Variants in PTPRN2 observed in about 807,000 individuals in gnomAD.
The protein encoded by PTPRN2 is receptor-type tyrosine-protein phosphatase N2.
A neutral mutation model predicts 118.8 loss-of-function variants in PTPRN2; 74 were observed. The observed-to-expected ratio is 0.62, with a 90% CI of 0.52 to 0.76. PTPRN2 has a LOEUF of 0.76. PTPRN2 is among the 30% of genes least tolerant of loss of function. The pLI is 0.00. For missense variants in PTPRN2, 1,481 were observed against 1,394.4 expected (o/e 1.06, Z -0.99); for synonymous variants, 641 against 608.0 (o/e 1.05, Z -0.80).
chr7:158,337,330 G>A (rs1257395341), intron 2 of PTPRN2, among the ~76,000 whole-genome samples: 4 of 118,462 alleles, frequency 3.4e-5, no homozygotes, highest in African/African-American at 1.3e-4. Context: ...CACCCACACT[G>A]TCACCCTAAG....
Position 157,881,214 on chromosome 7 carries a change from G to A in PTPRN2, c.1788+17459C>T, listed in dbSNP as rs1433871871. Among the ~76,000 whole-genome samples the A allele has an allele frequency of 6.8e-6, 1 of 147,468 alleles. No individual in the cohort carries two copies. The highest frequency in any genetic ancestry group is 1.5e-5 in the Non-Finnish European group (1 of 66,666). ...CATGAGGGTATGTGGAGATGGGGGT[G>A]TTTACAGTAGTCATTATGGTAAAAT... On this transcript the variant is annotated intron_variant, in intron 12 of 22. Coordinates refer to ENST00000389418, the MANE Select transcript of PTPRN2 (RefSeq NM_002847.5). This position sits in a 1 kb window ranked among gnomAD's most constrained non-coding sequence, Gnocchi z 4.7.
At position 158,546,998 on chromosome 7, in the gene PTPRN2, C is replaced by T. The variant is rs1461797034; in HGVS notation, c.112+40560G>A. Among the ~76,000 whole-genome samples the T allele has an allele frequency of 3.9e-5, 6 of 152,150 alleles. 1 individual carries two copies. The highest frequency in any genetic ancestry group is 4.1e-4 in the South Asian group (2 of 4,834). On this transcript the variant is annotated intron_variant, in intron 1 of 22. Transcript: ENST00000389418. The surrounding 1 kb of genome is among the most constrained non-coding windows in gnomAD (Gnocchi z 5.0). ...GCAGAGCTCAGAGCTCACGGCAGAG[C>T]GGCACAGAAAGAAGCTCAGACCCAG...
At chr7:158,401,754 G>A (rs978819164) in intron 2 of PTPRN2, among the ~76,000 whole-genome samples, 3 of 152,232 alleles carry the variant, frequency 2.0e-5, no homozygotes, top group African/African-American at 7.2e-5. Context: ...GAAAACAAAA[G>A]GACGAATGGC....
intron 16 of PTPRN2, 47 bp from the exon 17 acceptor site, chr7:157,595,362 A>T: frequency 8.3e-7 from 1 of 1,197,630 alleles, no homozygotes; most frequent in Non-Finnish European, 1.1e-6. Flanking sequence ...GAGATTAGGA[A>T]GCCTGGAGGT....
intron 2 of PTPRN2, among the ~76,000 whole-genome samples, chr7:158,462,360 A>G (rs902780966): frequency 2.0e-5 from 3 of 152,094 alleles, no homozygotes; most frequent in Non-Finnish European, 4.4e-5. Flanking sequence ...GGCTTCTACT[A>G]TCTGGCATTT....
At chr7:158,071,215 G>GAGGTGCTCGTCGTA (rs1811459697) in intron 11 of PTPRN2, among the ~76,000 whole-genome samples, 1 of 59,116 alleles carries the variant, frequency 1.7e-5, no homozygotes, top group African/African-American at 5.6e-5. Context: ...GCTCGTGGTG[G>GAGGTGCTCGTCGTA]TGGAGGTGCC....
chr7:158,296,802 G>T (rs1379813974), intron 3 of PTPRN2, among the ~76,000 whole-genome samples: 3 of 152,234 alleles, frequency 2.0e-5, no homozygotes, highest in African/African-American at 7.2e-5. Flanking sequence ...TCTCTTCTGG[G>T]TGGCAGTTGG....
chr7:157,673,852 TCA>T (rs1053775705), intron 13 of PTPRN2, among the ~76,000 whole-genome samples: 24 of 151,922 alleles, frequency 1.6e-4, no homozygotes, highest in Admixed American at 1.5e-3. Context: ...TCCCCTAGGG[TCA>T]CAGTGTTGTC....
In PTPRN2 at chr7:158,192,414, G is replaced by T. The variant is rs1398480857; in HGVS notation, c.462C>A (p.His154Gln). The T allele has an allele frequency of 6.5e-7, 1 of 1,542,896 alleles. No individual in the cohort carries two copies. The highest frequency in any genetic ancestry group is 1.4e-5 in the African/African-American group (1 of 69,788). Residue 154 changes from histidine to glutamine, a missense_variant, in exon 5 of 23, where the codon CAC (histidine) becomes CAA (glutamine). Transcript: ENST00000389418. The stretch of plus-strand genomic sequence containing the variant: ...GGGACAGGGCCTCCAGGAAGGGCAG[G>T]TGGCGTCGGAGGGCGTTGGCCAGGG... ...GAALANALRRHLPFLEALSQA... is the reference protein window; with the variant it reads ...GAALANALRRQLPFLEALSQA...
rs1006386273 is a variant in PTPRN2 at position 157,768,899 on chromosome 7, G to A, written c.1789-85962C>T. The stretch of plus-strand genomic sequence containing the variant: ...AACATGCCCTCGGAAGAAGTTACTC[G>A]GCGAAGTCGACACACACATCTCTGA... On this transcript the variant is annotated intron_variant, in intron 12 of 22. Transcript: ENST00000389418. Among the ~76,000 whole-genome samples, 12 of 152,118 alleles carry A rather than the reference G, an allele frequency of 7.9e-5. 1 individual carries two copies. The highest frequency in any genetic ancestry group is 4.1e-4 in the South Asian group (2 of 4,826).
chr7:158,435,542 T>C (rs1278742743), intron 2 of PTPRN2, among the ~76,000 whole-genome samples: 1 of 152,138 alleles, frequency 6.6e-6, no homozygotes, highest in Non-Finnish European at 1.5e-5. Flanking sequence ...AAAATAGAAC[T>C]ACTATTTGAT....
At position 158,365,268 on chromosome 7, in the gene PTPRN2, A is replaced by C. The variant is rs560603969; in HGVS notation, c.164-48336T>G. Among the ~76,000 whole-genome samples, 3 of 152,282 alleles carry C rather than the reference A, an allele frequency of 2.0e-5. No individual in the cohort carries two copies. The South Asian group carries it at 6.2e-4, about 32-fold the overall frequency. On this transcript the variant is annotated intron_variant, in intron 2 of 22. Coordinates refer to ENST00000389418, the MANE Select transcript of PTPRN2 (RefSeq NM_002847.5). ...GTTGGACGGTCCGTGGGAATTTCTCAGGGCTCCGGAGGCCAGCGGGGCTGG... is the reference window on the plus strand; with the variant it reads ...GTTGGACGGTCCGTGGGAATTTCTCCGGGCTCCGGAGGCCAGCGGGGCTGG...
intron 12 of PTPRN2, among the ~76,000 whole-genome samples, chr7:157,847,505 A>G (rs1808930935): frequency 7.2e-6 from 1 of 138,494 alleles, no homozygotes; most frequent in Non-Finnish European, 1.6e-5. Flanking sequence ...CTCTCACTCC[A>G]TCATGCGTGC....
At chr7:158,419,252 T>G (rs978416120) in intron 2 of PTPRN2, among the ~76,000 whole-genome samples, 1 of 148,996 alleles carries the variant, frequency 6.7e-6, no homozygotes, top group African/African-American at 2.5e-5. Context: ...TAGACCCAGA[T>G]GCTATCTCAA....
intron 2 of PTPRN2, among the ~76,000 whole-genome samples, chr7:158,342,013 A>G (rs1806940125): frequency 2.0e-5 from 3 of 147,142 alleles, no homozygotes; most frequent in Middle Eastern, 3.7e-3. Flanking sequence ...TGCAGACGTC[A>G]CTCACACCCA....
chr7:157,669,306 G>T lies in PTPRN2; in HGVS notation c.2002-12755C>A, dbSNP rs150124419. On this transcript the variant is annotated intron_variant, in intron 13 of 22. Transcript: ENST00000389418. ...TAAGCCGGGGACGTCCTCGGCTCAT[G>T]GCCCACGTGGCCAACGCTGCTCTGG... Among the ~76,000 whole-genome samples, 664 of 152,360 alleles carry T rather than the reference G, an allele frequency of 4.4e-3. 7 individuals are homozygous for T. Among genetic ancestry groups the T allele is most frequent in the African/African-American group, 0.015 (640 of 41,584 alleles).
At chr7:158,468,858 C>CACACACACTCCGGGTG (rs1239320042) in intron 2 of PTPRN2, among the ~76,000 whole-genome samples, 1 of 133,294 alleles carries the variant, frequency 7.5e-6, no homozygotes, top group Non-Finnish European at 1.7e-5. Context: ...CACTCCCAAT[C>CACACACACTCCGGGTG]GATCAAGAGT....
chr7:158,151,276 G>A (rs28488777), intron 6 of PTPRN2, among the ~76,000 whole-genome samples: 4 of 18,752 alleles, frequency 2.1e-4, no homozygotes, highest in African/African-American at 8.9e-4. Context: ...TGCCCACACC[G>A]CCCGCCTTTC....
chr7:158,316,107 G>A (rs78344352), intron 3 of PTPRN2, among the ~76,000 whole-genome samples: 1,949 of 152,288 alleles, frequency 0.013, 43 homozygotes, highest in African/African-American at 0.04. Flanking sequence ...GCCAGCCGCC[G>A]GGGGGCAGGT....
Sources: allele counts gnomAD v4.1 joint callset (sites outside exome capture counted in the v4.1 genomes callset), GRCh38; gene constraint gnomAD v4.1.1; non-coding constraint Gnocchi (gnomAD v3.1); transcripts MANE v1.5; gene names NCBI Gene and HGNC (gene_info 2026-07-23, HGNC 2026-07-21).